Variants in WDR64 observed in about 807,000 individuals in gnomAD.
WDR64 encodes WD repeat domain 64, also known as WD repeat-containing protein 64.
In WDR64, 112 loss-of-function variants were observed where a neutral mutation model predicts 139.3. The observed-to-expected ratio is 0.80, with a 90% CI of 0.69 to 0.94. The LOEUF is 0.94. Ranked by LOEUF, WDR64 falls within the 40% of genes least tolerant of loss-of-function variation. The pLI is 0.00. For missense variants in WDR64, 1,206 were observed against 1,293.1 expected (o/e 0.93, Z 1.03); for synonymous variants, 444 against 437.7 (o/e 1.01, Z -0.18).
chr1:241,755,383 T>C (rs1245842662), intron 14 of WDR64, among the ~76,000 whole-genome samples: 1 of 152,252 alleles, frequency 6.6e-6, no homozygotes, highest in African/African-American at 2.4e-5. Flanking sequence ...GAAGTGTCTG[T>C]TCATATCCTT....
intron 13 of WDR64, among the ~76,000 whole-genome samples, chr1:241,749,196 T>A (rs1669886221): frequency 6.6e-6 from 1 of 152,194 alleles, no homozygotes; most frequent in South Asian, 2.1e-4. Flanking sequence ...TGGTAGCGAA[T>A]ATTCCCATGT....
In WDR64 at chr1:241,656,902, GTGTGTGTGTC is replaced by G. The variant is rs1229970144; in HGVS notation, c.146-3624_146-3615del. ...TGTGTGTGTGTGTGTGTGTGTGTGT[GTGTGTGTGTC>G]TGTCTGGGGATGGAGGTGAGGTGCA... On this transcript the variant is annotated intron_variant, in intron 1 of 27. Coordinates refer to ENST00000437684, the MANE Select transcript of WDR64 (RefSeq NM_001367482.1). The surrounding 1 kb of genome is among the most constrained non-coding windows in gnomAD (Gnocchi z 4.3). Among the ~76,000 whole-genome samples, 921 of 151,406 alleles carry G rather than the reference GTGTGTGTGTC, an allele frequency of 6.1e-3. 8 individuals are homozygous for G. The highest frequency in any genetic ancestry group is 0.021 in the African/African-American group (872 of 41,166).
intron 13 of WDR64, among the ~76,000 whole-genome samples, chr1:241,746,427 C>T (rs1558504318): frequency 6.6e-6 from 1 of 152,126 alleles, no homozygotes; most frequent in Non-Finnish European, 1.5e-5. Context: ...GCCCCTTCTT[C>T]CAGGTCCCCC....
chr1:241,704,435 G>T (rs758934686), intron 8 of WDR64, among the ~76,000 whole-genome samples: 1 of 152,154 alleles, frequency 6.6e-6, no homozygotes, highest in East Asian at 1.9e-4. Context: ...ATAACAGAAT[G>T]AAAAAGCAAT....
intron 2 of WDR64, among the ~76,000 whole-genome samples, chr1:241,663,021 A>G (rs188172740): frequency 6.6e-6 from 1 of 152,332 alleles, no homozygotes; most frequent in African/African-American, 2.4e-5. Context: ...GGTTCAAAAG[A>G]GTTCATAAAA....
rs547867731 is a variant in WDR64, at chr1:241,668,533, C to T, written c.277-2541C>T. On this transcript the variant is annotated intron_variant, in intron 2 of 27. Coordinates refer to ENST00000437684, the MANE Select transcript of WDR64 (RefSeq NM_001367482.1). The stretch of plus-strand genomic sequence containing the variant: ...TCATATAACTTTCCCAGCAAAGTTT[C>T]ATACACTATCAATTTACCGAAGTGC... 5.9e-5 allele frequency among the ~76,000 whole-genome samples: 9 copies of T among 152,274 alleles called. 1 individual carries two copies. The South Asian group carries it at 1.9e-3, about 32-fold the overall frequency.
At chr1:241,699,538 G>T (rs1039101151) in intron 8 of WDR64, among the ~76,000 whole-genome samples, 1 of 152,112 alleles carries the variant, frequency 6.6e-6, no homozygotes, top group African/African-American at 2.4e-5. Context: ...GTAAGAGAGG[G>T]GTATGACAGG....
intron 21 of WDR64, among the ~76,000 whole-genome samples, chr1:241,779,306 C>T (rs893447939): frequency 6.6e-6 from 1 of 151,676 alleles, no homozygotes; most frequent in Non-Finnish European, 1.5e-5. Flanking sequence ...CCTTTGTTTT[C>T]CTGCAGTTTA....
intron 8 of WDR64, among the ~76,000 whole-genome samples, chr1:241,693,954 T>C (rs1051354628): frequency 2.0e-5 from 3 of 152,150 alleles, no homozygotes; most frequent in African/African-American, 7.2e-5. Flanking sequence ...CGAAAGGAGA[T>C]TGATTGTTAG....
In WDR64 at chr1:241,771,961, T is replaced by C. The variant is rs1198636612; in HGVS notation, c.2290+264T>C. On this transcript the variant is annotated intron_variant, in intron 19 of 27. Coordinates refer to ENST00000437684, the MANE Select transcript of WDR64 (RefSeq NM_001367482.1). ...ACATACATACATATATATATATATA[T>C]ATATATATATATATATATATATATA... is the stretch of plus-strand genomic sequence containing the variant. Among the ~76,000 whole-genome samples the C allele has an allele frequency of 6.5e-3, 605 of 92,392 alleles. 8 individuals carry two copies. The highest frequency in any genetic ancestry group is 0.026 in the African/African-American group (551 of 20,932). 60.6% of individuals were successfully genotyped at this position (92,392 alleles called of 152,430 possible). A position where few individuals can be genotyped will look rare whatever the true frequency, so the allele number is the denominator to read the frequency against.
At chr1:241,729,599 C>T (rs551024698) in intron 10 of WDR64, among the ~76,000 whole-genome samples, 232 of 152,332 alleles carry the variant, frequency 1.5e-3, no homozygotes, top group Non-Finnish European at 2.4e-3. Flanking sequence ...CTCCCATTCC[C>T]AGACATCCTA....
At position 241,802,679 on chromosome 1, in the gene WDR64, T is replaced by A. The variant is rs981264437; in HGVS notation, c.*1464T>A. ...TGAACTAATGGATAGAGGGATGGAC[T>A]GATAGATGGATATGTGTTAGAGCAT... On this transcript the variant is annotated 3_prime_UTR_variant, in exon 28 of 28. Transcript: ENST00000437684. 6.6e-6 allele frequency among the ~76,000 whole-genome samples: 1 copy of A among 152,150 alleles called. No homozygotes were observed. Among genetic ancestry groups the A allele is most frequent in the Non-Finnish European group, 1.5e-5 (1 of 68,008 alleles).
chr1:241,739,390 G>A (rs1215327520), intron 11 of WDR64, among the ~76,000 whole-genome samples: 1 of 152,166 alleles, frequency 6.6e-6, no homozygotes, highest in Non-Finnish European at 1.5e-5. Context: ...GCAGGGAAGA[G>A]GTTGGTGCTA....
chr1:241,775,206 T>C lies in WDR64; in HGVS notation c.2532T>C (p.Asn844=). The change falls in exon 21 of 28, where the codon AAT becomes AAC. Residue 844 remains asparagine, a synonymous_variant. Coordinates refer to ENST00000437684, the MANE Select transcript of WDR64 (RefSeq NM_001367482.1). ...GTACGAGGATACTACTGGCTGGAAA[T>C]GTGGGTGAGTCATTACTCTTAGACA... ...DSCTRILLAG[N]VEGHVILCNI... The C allele has an allele frequency of 1.3e-6, 2 of 1,549,382 alleles. No homozygotes were observed. Among genetic ancestry groups the C allele is most frequent in the Non-Finnish European group, 1.7e-6 (2 of 1,146,386 alleles).
chr1:241,652,695 C>T, intron 1 of WDR64, 66 bp downstream of exon 1: 2 of 1,516,412 alleles, frequency 1.3e-6, no homozygotes, highest in Non-Finnish European at 8.9e-7. Context: ...ATGTTTTAAG[C>T]CATCAGAGAG....
intron 3 of WDR64, among the ~76,000 whole-genome samples, chr1:241,672,278 G>A (rs1034435178): frequency 5.9e-5 from 9 of 151,824 alleles, no homozygotes; most frequent in African/African-American, 1.9e-4. Flanking sequence ...CTGGCTTCTG[G>A]CCATGGGAAC....
At chr1:241,685,004 G>A (rs765711155) in intron 7 of WDR64, among the ~76,000 whole-genome samples, 82 of 151,898 alleles carry the variant, frequency 5.4e-4, no homozygotes, top group Non-Finnish European at 9.4e-4. Flanking sequence ...TGATCTGCCC[G>A]CCTCGGCCTC....
chr1:241,771,740 CTTTGCAAGA>C, intron 19 of WDR64, 43 bp downstream of exon 19: 1 of 1,353,446 alleles, frequency 7.4e-7, no homozygotes, highest in African/African-American at 1.5e-5. Flanking sequence ...AAAGCAACTC[CTTTGCAAGA>C]GGGCATTTAG....
chr1:241,794,275 A>G (rs562659826), intron 25 of WDR64, among the ~76,000 whole-genome samples: 6 of 152,198 alleles, frequency 3.9e-5, no homozygotes, highest in Non-Finnish European at 2.9e-5. Flanking sequence ...GCAAAGATAC[A>G]TGCATAACCT....
Sources: allele counts gnomAD v4.1 joint callset (sites outside exome capture counted in the v4.1 genomes callset), GRCh38; gene constraint gnomAD v4.1.1; non-coding constraint Gnocchi (gnomAD v3.1); transcripts MANE v1.5; gene names NCBI Gene and HGNC (gene_info 2026-07-23, HGNC 2026-07-21).